The following TRPC4 variants were observed in gnomAD, a reference collection of about 807,000 sequenced individuals.
The protein encoded by TRPC4 is transient receptor potential cation channel subfamily C member 4.
Under a neutral mutation model 99.4 loss-of-function variants are expected in TRPC4, and 49 were observed. The observed-to-expected ratio is 0.49, with a 90% CI of 0.39 to 0.63. The LOEUF (loss-of-function observed/expected upper bound fraction) is 0.63, where lower values mean the gene tolerates loss of function less well. TRPC4 is among the 20% of genes least tolerant of loss of function. The pLI is 0.00. For synonymous variants in TRPC4, 454 were observed against 425.9 expected, an observed-to-expected ratio of 1.07 and a Z score of -0.81; for missense variants, 898 against 1,152.9, an observed-to-expected ratio of 0.78 and a Z score of 3.20.
Position 37,810,796 on chromosome 13 carries a change from C to G in TRPC4, c.-27-27436G>C, listed in dbSNP as rs557423458. On this transcript the variant is annotated intron_variant, in intron 1 of 10. Coordinates refer to ENST00000379705, the MANE Select transcript of TRPC4 (RefSeq NM_016179.4). ...TTTAATTAATTCCTATTTCTTATAC[C>G]CATCTTACTTGCCTATGAATATATA... Among the ~76,000 whole-genome samples, 4 of 151,832 alleles carry G rather than the reference C, an allele frequency of 2.6e-5. No homozygotes were observed. The East Asian group carries it at 7.7e-4, about 29-fold the overall frequency.
At chr13:37,847,388 A>C (rs948815211) in intron 1 of TRPC4, among the ~76,000 whole-genome samples, 5 of 152,098 alleles carry the variant, frequency 3.3e-5, no homozygotes, top group Non-Finnish European at 7.4e-5. Flanking sequence ...AATAGGAAAA[A>C]ATCTAGGAAA....
At chr13:37,848,413 T>A (rs920110250) in intron 1 of TRPC4, among the ~76,000 whole-genome samples, 5 of 152,040 alleles carry the variant, frequency 3.3e-5, no homozygotes, top group Non-Finnish European at 7.4e-5. Context: ...CATAGAACAT[T>A]ATGACAAAAA....
At chr13:37,797,669 C>A (rs1957294866) in intron 1 of TRPC4, among the ~76,000 whole-genome samples, 1 of 152,066 alleles carries the variant, frequency 6.6e-6, no homozygotes, top group Admixed American at 6.6e-5. Context: ...AAATCAAAGG[C>A]AACTTAAAAA....
intron 2 of TRPC4, among the ~76,000 whole-genome samples, chr13:37,763,393 T>G (rs925071422): frequency 1.3e-5 from 2 of 151,232 alleles, no homozygotes; most frequent in Non-Finnish European, 3.0e-5. Context: ...CTTAGTAAAA[T>G]AGAAAACGAG....
intron 1 of TRPC4, among the ~76,000 whole-genome samples, chr13:37,860,789 T>C (rs1959256023): frequency 6.6e-6 from 1 of 151,502 alleles, no homozygotes; most frequent in Non-Finnish European, 1.5e-5. Context: ...CAATCCTAGA[T>C]CCAATTAGAC....
At chr13:37,667,018 C>T (rs973953657) in intron 5 of TRPC4, among the ~76,000 whole-genome samples, 10 of 152,200 alleles carry the variant, frequency 6.6e-5, no homozygotes, top group East Asian at 3.9e-4. Flanking sequence ...ACTCACAGAT[C>T]GAAAGTGTAA....
intron 2 of TRPC4, among the ~76,000 whole-genome samples, chr13:37,771,301 C>A (rs896223286): frequency 2.0e-5 from 3 of 151,610 alleles, no homozygotes; most frequent in Admixed American, 6.6e-5. Context: ...CTTTGCTAAC[C>A]AAAACCCTTG....
rs564890812 is a variant in TRPC4 at position 37,737,855 on chromosome 13, C to A, written c.897+8082G>T. On this transcript the variant is annotated intron_variant, in intron 3 of 10. Coordinates refer to ENST00000379705, the MANE Select transcript of TRPC4 (RefSeq NM_016179.4). ...TGATACCAATAAAACATTTTCCCCA[C>A]AGTTCTTATACCCTTAGATGATCAG... Among the ~76,000 whole-genome samples the A allele has an allele frequency of 2.0e-5, 3 of 152,258 alleles. 1 individual carries two copies. The East Asian group carries it at 5.8e-4, about 29-fold the overall frequency.
chr13:37,655,365 TTATATA>T, intron 6 of TRPC4, 82 bp from the exon 7 acceptor site: 3 of 370,410 alleles, frequency 8.1e-6, no homozygotes, highest in Admixed American at 1.1e-4. Flanking sequence ...CTTGGCATGA[TTATATA>T]TATATATATA....
At chr13:37,825,876 T>TAAG (rs1490463088) in intron 1 of TRPC4, among the ~76,000 whole-genome samples, 1 of 150,744 alleles carries the variant, frequency 6.6e-6, no homozygotes, top group Non-Finnish European at 1.5e-5. Flanking sequence ...AGTGGGGTGT[T>TAAG]AAAGTCTCCC....
At chr13:37,658,574 CA>C (rs1212411403) in intron 6 of TRPC4, among the ~76,000 whole-genome samples, 2 of 152,062 alleles carry the variant, frequency 1.3e-5, no homozygotes, top group Admixed American at 6.6e-5. Context: ...TCCAACTGGC[CA>C]GTTACAACCA....
intron 8 of TRPC4, among the ~76,000 whole-genome samples, chr13:37,648,854 T>C (rs970280922): frequency 1.3e-5 from 2 of 152,226 alleles, no homozygotes; most frequent in Admixed American, 1.3e-4. Context: ...TGGTTCTCCA[T>C]TCTTTTTGTT....
At chr13:37,764,522 TTTTAAGCTTTTTCA>T (rs1956307269) in intron 2 of TRPC4, among the ~76,000 whole-genome samples, 3 of 151,406 alleles carry the variant, frequency 2.0e-5, no homozygotes, top group Admixed American at 1.3e-4. Flanking sequence ...CTGAACATAC[TTTTAAGCTTTTTCA>T]GTCTTCATAT....
At chr13:37,819,443 A>T (rs776037062) in intron 1 of TRPC4, among the ~76,000 whole-genome samples, 1 of 152,030 alleles carries the variant, frequency 6.6e-6, no homozygotes, top group Non-Finnish European at 1.5e-5. Context: ...CCCATCAATG[A>T]TAGACCAAAT....
intron 1 of TRPC4, among the ~76,000 whole-genome samples, chr13:37,808,866 C>T (rs1359994595): frequency 6.6e-6 from 1 of 151,512 alleles, no homozygotes; most frequent in African/African-American, 2.4e-5. Flanking sequence ...ACTTCCATCT[C>T]ACCGTATGTA....
chr13:37,707,499 G>A (rs1037836404), intron 3 of TRPC4, among the ~76,000 whole-genome samples: 3 of 152,142 alleles, frequency 2.0e-5, no homozygotes, highest in African/African-American at 7.2e-5. Context: ...CATGAACAGA[G>A]TGTTTAGTAG....
intron 3 of TRPC4, among the ~76,000 whole-genome samples, chr13:37,732,344 A>G (rs1241553099): frequency 2.0e-5 from 3 of 152,136 alleles, no homozygotes; most frequent in African/African-American, 7.2e-5. Flanking sequence ...TTTATTTCAA[A>G]CCAATGAAAC....
At chr13:37,795,833 A>G (rs1266528138) in intron 1 of TRPC4, among the ~76,000 whole-genome samples, 2 of 152,196 alleles carry the variant, frequency 1.3e-5, no homozygotes, top group Non-Finnish European at 2.9e-5. Flanking sequence ...TCTACTGATT[A>G]TAGACATTTG....
intron 3 of TRPC4, among the ~76,000 whole-genome samples, chr13:37,727,827 A>G (rs984575987): frequency 1.3e-5 from 2 of 152,094 alleles, no homozygotes; most frequent in Admixed American, 1.3e-4. Flanking sequence ...TGGAAACACA[A>G]AACCTACCAA....
Sources: gnomAD v4.1 joint callset for allele counts (sites outside exome capture counted in the v4.1 genomes callset) on GRCh38, gnomAD v4.1.1 for gene constraint, MANE v1.5 for transcripts, NCBI Gene and HGNC (gene_info 2026-07-23, HGNC 2026-07-21) for gene names.